The following KMT2E variants were observed in gnomAD, a reference collection of about 807,000 sequenced individuals.
The protein encoded by KMT2E is histone reader KMT2E.
In KMT2E, 30 loss-of-function variants were observed where a neutral mutation model predicts 184.6. The ratio of observed to expected loss-of-function variants is 0.16; its 90% CI spans 0.12 to 0.22. The LOEUF is 0.22. Among genes scored for constraint, KMT2E ranks in the 10% least tolerant of loss-of-function variants. The pLI is 1.00. For synonymous variants in KMT2E, 815 were observed against 776.5 expected (o/e 1.05, Z -0.82); for missense variants, 2,023 against 2,237.4 (o/e 0.90, Z 1.93).
intron 1 of KMT2E, among the ~76,000 whole-genome samples, chr7:105,035,740 G>A (rs1245544892): frequency 6.6e-6 from 1 of 151,882 alleles, no homozygotes; most frequent in Non-Finnish European, 1.5e-5. Context: ...TGTATTTCTA[G>A]TAGAGGTGGG....
rs557000780 is a variant in KMT2E at position 105,075,677 on chromosome 7, T to C, written c.730-366T>C. Among the ~76,000 whole-genome samples the C allele has an allele frequency of 1.6e-4, 25 of 152,052 alleles. No individual in the cohort carries two copies. In the South Asian group the frequency reaches 4.8e-3, roughly 29 times the overall value. On this transcript the variant is annotated intron_variant, in intron 8 of 26. Transcript: ENST00000311117. ...AGATTTTTATATTCTATATAGTCTATATACTTTTTTTTTTTTAAAGACAGG... is the reference window on the plus strand; with the variant it reads ...AGATTTTTATATTCTATATAGTCTACATACTTTTTTTTTTTTAAAGACAGG...
intron 11 of KMT2E, chr7:105,077,721 T>C (rs745728803): frequency 8.6e-5 from 23 of 267,572 alleles, no homozygotes; most frequent in Non-Finnish European, 1.4e-4. Flanking sequence ...ATAGGTTGGA[T>C]ATAGAAGGAT....
chr7:105,076,271 T>C (rs554141922), intron 9 of KMT2E, among the ~76,000 whole-genome samples, 190 bp downstream of exon 9: 12 of 152,334 alleles, frequency 7.9e-5, no homozygotes, highest in Admixed American at 7.8e-4. Context: ...ACTGTTAAAA[T>C]ATTAATCAAA....
chr7:105,098,047 C>T (rs916504731), intron 15 of KMT2E, among the ~76,000 whole-genome samples: 3 of 152,066 alleles, frequency 2.0e-5, no homozygotes, highest in East Asian at 1.9e-4. Flanking sequence ...ACAAGCCATA[C>T]GTGTTATTTT....
At chr7:105,111,181 C>A in intron 26 of KMT2E, 1 of 250,738 alleles carries the variant, frequency 4.0e-6, no homozygotes, top group Non-Finnish European at 7.5e-6. Context: ...TCTTAACCAT[C>A]CAATTATCTA....
Position 105,076,032 on chromosome 7 carries a change from GTTTAT to G in KMT2E, c.730-6_730-2del, listed in dbSNP as rs781200694. The G allele has an allele frequency of 1.9e-6, 3 of 1,583,228 alleles. No homozygotes were observed. The highest frequency in any genetic ancestry group is 1.3e-5 in the African/African-American group (1 of 74,240). ...TTTAGGAAACTAACTAGAATTCCAT[GTTTAT>G]TTTAGGCATTTCGTGAAGGATCTAG... On this transcript the variant is annotated splice_region_variant and splice_polypyrimidine_tract_variant and intron_variant, in intron 8 of 26. Coordinates refer to ENST00000311117, the MANE Select transcript of KMT2E (RefSeq NM_182931.3).
intron 3 of KMT2E, among the ~76,000 whole-genome samples, chr7:105,054,408 G>GA (rs1320048369): frequency 6.6e-6 from 1 of 151,996 alleles, no homozygotes; most frequent in Non-Finnish European, 1.5e-5. Context: ...AAAAAAAAAG[G>GA]AAAAAATTGG....
intron 17 of KMT2E, chr7:105,102,658 C>G (rs528646519): frequency 1.3e-5 from 2 of 154,136 alleles, no homozygotes; most frequent in South Asian, 2.0e-4. Context: ...TACTGTCAGA[C>G]TTAAGCAATT....
intron 3 of KMT2E, among the ~76,000 whole-genome samples, chr7:105,058,815 T>G (rs1796676418): frequency 6.6e-6 from 1 of 152,224 alleles, no homozygotes; most frequent in African/African-American, 2.4e-5. Context: ...TTTTGAATTC[T>G]TGGAGTATGC....
intron 9 of KMT2E, 110 bp from the exon 10 acceptor site, chr7:105,076,852 TG>T (rs759130715): frequency 1.3e-6 from 1 of 778,586 alleles, no homozygotes; most frequent in Non-Finnish European, 2.2e-6. Context: ...TATGTTCTTT[TG>T]TATAGATTGC....
At chr7:105,022,152 A>G (rs941078704) in intron 1 of KMT2E, among the ~76,000 whole-genome samples, 3 of 152,184 alleles carry the variant, frequency 2.0e-5, no homozygotes, top group South Asian at 4.1e-4. Context: ...GTAGTTGTCA[A>G]ATTCAGGAAA....
At chr7:105,049,751 C>G (rs10279602) in intron 3 of KMT2E, among the ~76,000 whole-genome samples, 42,845 of 151,794 alleles carry the variant, frequency 0.28, 8,983 homozygotes, top group East Asian at 0.64. Context: ...AATTAGCTGG[C>G]TGTAGTGGCG....
intron 3 of KMT2E, among the ~76,000 whole-genome samples, chr7:105,047,698 G>A (rs1381560220): frequency 1.3e-5 from 2 of 152,240 alleles, no homozygotes; most frequent in Non-Finnish European, 2.9e-5. Flanking sequence ...GTCACGGATT[G>A]TAAGTTATCA....
At chr7:105,111,783 A>G (rs1180535257) in intron 26 of KMT2E, 42 bp from the exon 27 acceptor site, 1 of 1,555,048 alleles carries the variant, frequency 6.4e-7, no homozygotes, top group African/African-American at 1.4e-5. Flanking sequence ...CAAGGTACAC[A>G]AAATGTTCCT....
chr7:105,108,998 G>A lies in KMT2E; in HGVS notation c.3525G>A (p.Lys1175=). 1 of 1,614,106 alleles carries A rather than the reference G, an allele frequency of 6.2e-7. No homozygotes were observed. The highest frequency in any genetic ancestry group is 2.2e-5 in the East Asian group (1 of 44,858). The change falls in exon 23 of 27, where the codon AAG becomes AAA. Residue 1175 remains lysine, a synonymous_variant. Coordinates refer to ENST00000311117, the MANE Select transcript of KMT2E (RefSeq NM_182931.3). ...RQREARKSGS[K]TENFPLISVS... Reference sequence around the variant, plus strand: ...GTGAAGCTAGGAAAAGTGGCTCTAAGACAGAGAACTTTCCACTCATTAGTG... The same window carrying A: ...GTGAAGCTAGGAAAAGTGGCTCTAAAACAGAGAACTTTCCACTCATTAGTG...
rs967085576 is a variant in KMT2E, at chr7:105,101,814, A to T, written c.1888-72A>T. 11 of 1,237,362 alleles carry T rather than the reference A, an allele frequency of 8.9e-6. No homozygotes were observed. In the South Asian group the frequency reaches 1.4e-4, roughly 15 times the overall value. 76.6% of individuals were successfully genotyped at this position (1,237,362 alleles called of 1,614,324 possible). On this transcript the variant is annotated intron_variant, in intron 16 of 26. Transcript: ENST00000311117. ...TCCAGAAAGTTGGCTTCTGAAGTAG[A>T]ATAATGCTATTATATTTAAACTTTA...
chr7:105,031,683 C>A (rs769035714), intron 1 of KMT2E, among the ~76,000 whole-genome samples: 3 of 150,452 alleles, frequency 2.0e-5, no homozygotes, highest in Admixed American at 6.6e-5. Context: ...ACATGGGAGG[C>A]GGAGGTTGCA....
chr7:105,066,858 C>G, intron 6 of KMT2E, 51 bp downstream of exon 6: 1 of 1,215,494 alleles, frequency 8.2e-7, no homozygotes, highest in Non-Finnish European at 1.2e-6. Context: ...TGAGGTAATA[C>G]TAGTTAACAG....
At chr7:105,100,636 T>TATTCA (rs1798613596) in intron 15 of KMT2E, among the ~76,000 whole-genome samples, 1 of 152,168 alleles carries the variant, frequency 6.6e-6, no homozygotes, top group Non-Finnish European at 1.5e-5. Flanking sequence ...GTCCCTGTCT[T>TATTCA]GAATTGTCAG....
Sources: gnomAD v4.1 joint callset for allele counts (sites outside exome capture counted in the v4.1 genomes callset) on GRCh38, gnomAD v4.1.1 for gene constraint, MANE v1.5 for transcripts, NCBI Gene and HGNC (gene_info 2026-07-23, HGNC 2026-07-21) for gene names.